FBLN5: variants seen among roughly 807,000 people sequenced by gnomAD.
FBLN5 encodes the protein fibulin-5.
FBLN5 carries 24 observed loss-of-function variants against 61.6 expected under a neutral mutation model. The observed-to-expected ratio is 0.39, with a 90% CI of 0.28 to 0.55. The LOEUF (loss-of-function observed/expected upper bound fraction) is 0.55, where lower values mean the gene tolerates loss of function less well. Among genes scored for constraint, FBLN5 ranks in the 20% least tolerant of loss-of-function variants. FBLN5 has a pLI of 0.65. For synonymous variants in FBLN5, 213 were observed against 219.8 expected, an observed-to-expected ratio of 0.97 and a Z score of 0.27; for missense variants, 470 against 594.1, an observed-to-expected ratio of 0.79 and a Z score of 2.17.
chr14:91,905,303 C>T (rs149124099), intron 4 of FBLN5, among the ~76,000 whole-genome samples: 1 of 152,124 alleles, frequency 6.6e-6, no homozygotes, highest in Non-Finnish European at 1.5e-5. Flanking sequence ...TCACCTGCCC[C>T]CCTAGAGCTT....
Position 91,943,036 on chromosome 14 carries a change from C to G in FBLN5, c.18-75G>C. On this transcript the variant is annotated intron_variant, in intron 1 of 10. Transcript: ENST00000342058. The surrounding 1 kb of genome is among the most constrained non-coding windows in gnomAD (Gnocchi z 4.0). Reference sequence around the variant, plus strand: ...AGGGGAGTGTGGGTCGCATGCGGCCCGTGACGTGTAACGGTGATATCACCT... The same window carrying G: ...AGGGGAGTGTGGGTCGCATGCGGCCGGTGACGTGTAACGGTGATATCACCT... 1 of 968,864 alleles carries G rather than the reference C, an allele frequency of 1.0e-6. No homozygotes were observed. The highest frequency in any genetic ancestry group is 1.4e-5 in the South Asian group (1 of 72,232). The allele number at this position is 968,864 out of a possible 1,614,324, so 60.0% of individuals were successfully genotyped here. A position where few individuals can be genotyped will look rare whatever the true frequency, so the allele number is the denominator to read the frequency against.
chr14:91,879,972 A>C (rs1246247823), intron 9 of FBLN5, among the ~76,000 whole-genome samples: 3 of 152,216 alleles, frequency 2.0e-5, no homozygotes, highest in African/African-American at 7.2e-5. Context: ...AAAAGGGATA[A>C]AAGAGAAGGA....
At chr14:91,935,310 G>A (rs1051948316) in intron 4 of FBLN5, among the ~76,000 whole-genome samples, 2 of 152,202 alleles carry the variant, frequency 1.3e-5, no homozygotes, top group Admixed American at 6.5e-5. Flanking sequence ...GTTCCCAGCC[G>A]TTCTGCAAAG....
intron 1 of FBLN5, among the ~76,000 whole-genome samples, chr14:91,944,052 G>A (rs1359945874): frequency 6.6e-6 from 1 of 152,108 alleles, no homozygotes; most frequent in Non-Finnish European, 1.5e-5. Context: ...AAAAGCAGCC[G>A]GGTGTGGTGG....
At chr14:91,928,692 T>C (rs1238772203) in intron 4 of FBLN5, among the ~76,000 whole-genome samples, 1 of 148,332 alleles carries the variant, frequency 6.7e-6, no homozygotes, top group Admixed American at 6.7e-5. Context: ...GGGTCACTTA[T>C]GCCTGGGAGG....
intron 3 of FBLN5, among the ~76,000 whole-genome samples, chr14:91,940,291 T>C (rs940460746): frequency 1.3e-5 from 2 of 152,146 alleles, no homozygotes; most frequent in African/African-American, 4.8e-5. Flanking sequence ...GCCACTAAGT[T>C]GGTGGTAATT....
chr14:91,914,426 C>T (rs1891092124), intron 4 of FBLN5, among the ~76,000 whole-genome samples: 1 of 140,834 alleles, frequency 7.1e-6, no homozygotes, highest in East Asian at 2.2e-4. Context: ...TGCAGTGAGC[C>T]GAGATCATGC....
At chr14:91,885,678 GA>G (rs1172448496) in intron 7 of FBLN5, among the ~76,000 whole-genome samples, 1 of 152,178 alleles carries the variant, frequency 6.6e-6, no homozygotes, top group Non-Finnish European at 1.5e-5. Context: ...ACTTGGTCAA[GA>G]AAAATAGTAA....
chr14:91,932,513 C>T (rs1237188900), intron 4 of FBLN5, among the ~76,000 whole-genome samples: 7 of 152,166 alleles, frequency 4.6e-5, no homozygotes, highest in Non-Finnish European at 1.0e-4. Flanking sequence ...TGGGTCCAAA[C>T]CCTAGAAAAA....
chr14:91,888,375 C>A (rs1889827365), intron 6 of FBLN5, among the ~76,000 whole-genome samples: 1 of 151,880 alleles, frequency 6.6e-6, no homozygotes, highest in Non-Finnish European at 1.5e-5. Flanking sequence ...GAGGCCAAGG[C>A]AGGTGGATTA....
At chr14:91,879,359 A>G (rs1007792956) in intron 9 of FBLN5, among the ~76,000 whole-genome samples, 1 of 152,176 alleles carries the variant, frequency 6.6e-6, no homozygotes, top group Admixed American at 6.5e-5. Context: ...ATTCCTGGGC[A>G]CGGGTAAAGG....
chr14:91,916,305 A>G (rs1289490510), intron 4 of FBLN5, among the ~76,000 whole-genome samples: 1 of 152,166 alleles, frequency 6.6e-6, no homozygotes, highest in Non-Finnish European at 1.5e-5. Flanking sequence ...AAAATTAGCC[A>G]GGCCTGGTGG....
At chr14:91,928,548 G>T (rs1277953038) in intron 4 of FBLN5, among the ~76,000 whole-genome samples, 1 of 152,034 alleles carries the variant, frequency 6.6e-6, no homozygotes, top group Non-Finnish European at 1.5e-5. Context: ...AAGGAAGGAG[G>T]ATCGCTTGAG....
Position 91,947,276 on chromosome 14 carries a change from C to T in FBLN5, c.-47G>A, listed in dbSNP as rs750732580. On this transcript the variant is annotated 5_prime_UTR_variant, in exon 1 of 11. Transcript: ENST00000342058. The surrounding 1 kb of genome is among the most constrained non-coding windows in gnomAD (Gnocchi z 4.3). ...GATGCGAAGGCGAGAAGAAAGCTCG[C>T]GGGCGGGACCCCCGGAGGAGCTCGG... The T allele has an allele frequency of 1.7e-5, 28 of 1,613,568 alleles. No individual in the cohort carries two copies. The highest frequency in any genetic ancestry group is 2.2e-5 in the Non-Finnish European group (26 of 1,179,736).
intron 1 of FBLN5, chr14:91,946,948 A>T: frequency 4.1e-6 from 6 of 1,458,560 alleles, no homozygotes; most frequent in Non-Finnish European, 5.4e-6. Context: ...AGAAAGAGGA[A>T]TGAAGCGCTG....
chr14:91,926,073 C>T (rs546464559), intron 4 of FBLN5, among the ~76,000 whole-genome samples: 4 of 152,322 alleles, frequency 2.6e-5, no homozygotes, highest in South Asian at 2.1e-4. Context: ...CCACGAGAGC[C>T]TCACTCTGCC....
chr14:91,920,183 C>T (rs7140720), intron 4 of FBLN5, among the ~76,000 whole-genome samples: 17,223 of 152,184 alleles, frequency 0.11, 2,524 homozygotes, highest in African/African-American at 0.33. Flanking sequence ...CTTAATGACT[C>T]TATTTTATTA....
intron 4 of FBLN5, among the ~76,000 whole-genome samples, chr14:91,917,591 A>G: frequency 6.6e-6 from 1 of 151,584 alleles, no homozygotes; most frequent in East Asian, 1.9e-4. Context: ...AAAAAAAAAA[A>G]AAAAAAAAAG....
At chr14:91,888,144 T>A (rs1425304094) in intron 6 of FBLN5, among the ~76,000 whole-genome samples, 1 of 151,388 alleles carries the variant, frequency 6.6e-6, no homozygotes, top group African/African-American at 2.4e-5. Context: ...TCAAAAAATT[T>A]AAAAATTAGC....
Sources: allele counts gnomAD v4.1 joint callset (sites outside exome capture counted in the v4.1 genomes callset), GRCh38; gene constraint gnomAD v4.1.1; non-coding constraint Gnocchi (gnomAD v3.1); transcripts MANE v1.5; gene names NCBI Gene and HGNC (gene_info 2026-07-23, HGNC 2026-07-21).